Variants in MSI2 observed in about 807,000 individuals in gnomAD.
MSI2 encodes RNA-binding protein Musashi homolog 2.
In MSI2, 17 loss-of-function variants were observed where a neutral mutation model predicts 45.6. The observed-to-expected ratio is 0.37, with a 90% confidence interval of 0.26 to 0.56. The LOEUF (loss-of-function observed/expected upper bound fraction) is 0.56. MSI2 is among the 20% of genes least tolerant of loss of function. The pLI is 0.77. For synonymous variants in MSI2, 156 were observed against 158.2 expected (o/e 0.99, Z 0.11); for missense variants, 293 against 444.2 (o/e 0.66, Z 3.06).
chr17:57,257,220 C>G lies in MSI2; in HGVS notation c.103+82C>G, dbSNP rs1266965869. The G allele has an allele frequency of 7.5e-5, 28 of 372,924 alleles. 1 individual carries two copies. The highest frequency in any genetic ancestry group is 7.4e-4 in the Admixed American group (10 of 13,490). The allele number at this position is 372,924 out of a possible 1,614,324, so 23.1% of individuals were successfully genotyped here. A position where few individuals can be genotyped will look rare whatever the true frequency, so the allele number is the denominator to read the frequency against. ...CTTTGTTATCCCGGTGTAGGAGCCC[C>G]CCCCCCCCCGCCATTGGCTCCCCAC... On this transcript the variant is annotated intron_variant, in intron 2 of 13. Coordinates refer to ENST00000284073, the MANE Select transcript of MSI2 (RefSeq NM_138962.4).
At chr17:57,497,285 C>T (rs1008944097) in intron 6 of MSI2, among the ~76,000 whole-genome samples, 1 of 152,102 alleles carries the variant, frequency 6.6e-6, no homozygotes, top group African/African-American at 2.4e-5. Context: ...CCTATTGGAC[C>T]CCTTTAAATG....
chr17:57,547,975 T>A (rs746950426), intron 7 of MSI2, among the ~76,000 whole-genome samples: 3 of 152,142 alleles, frequency 2.0e-5, no homozygotes, highest in Non-Finnish European at 4.4e-5. Flanking sequence ...CCCCTGTGCT[T>A]TTCTGTTGCA....
intron 5 of MSI2, among the ~76,000 whole-genome samples, chr17:57,393,022 C>T (rs755926093): frequency 1.2e-4 from 18 of 152,078 alleles, no homozygotes; most frequent in Non-Finnish European, 2.5e-4. Flanking sequence ...AAAAAGAAAC[C>T]GCATACCCTT....
chr17:57,623,446 C>T (rs1181705246), intron 9 of MSI2, among the ~76,000 whole-genome samples: 1 of 152,156 alleles, frequency 6.6e-6, no homozygotes, highest in African/African-American at 2.4e-5. Context: ...ACAGTTTTGA[C>T]AACTTTGTCA....
intron 7 of MSI2, among the ~76,000 whole-genome samples, chr17:57,537,232 C>T (rs986664549): frequency 2.0e-5 from 3 of 152,152 alleles, no homozygotes; most frequent in Admixed American, 6.5e-5. Flanking sequence ...CCAGTGGGCT[C>T]ATTCTAAAGC....
At chr17:57,295,404 G>A (rs565033676) in intron 5 of MSI2, among the ~76,000 whole-genome samples, 9 of 152,202 alleles carry the variant, frequency 5.9e-5, no homozygotes, top group African/African-American at 1.7e-4. Flanking sequence ...GATGGGTTGT[G>A]TCACACCCAC....
intron 10 of MSI2, among the ~76,000 whole-genome samples, chr17:57,643,444 C>T (rs545922682): frequency 2.8e-4 from 43 of 152,366 alleles, no homozygotes; most frequent in Middle Eastern, 3.4e-3. Context: ...TCTCTCCCTA[C>T]TCCTGGTCCT....
chr17:57,365,658 C>A (rs1378325712), intron 5 of MSI2, among the ~76,000 whole-genome samples: 1 of 152,032 alleles, frequency 6.6e-6, no homozygotes, highest in Admixed American at 6.6e-5. Flanking sequence ...GCTCACGGCT[C>A]AGTGTACCAG....
At chr17:57,605,322 C>T (rs1428123843) in intron 8 of MSI2, among the ~76,000 whole-genome samples, 1 of 152,186 alleles carries the variant, frequency 6.6e-6, no homozygotes, top group Non-Finnish European at 1.5e-5. Flanking sequence ...ATGTTTGTTG[C>T]TCTTTAGGCA....
chr17:57,665,791 G>A (rs575085651), intron 11 of MSI2, among the ~76,000 whole-genome samples: 4 of 152,178 alleles, frequency 2.6e-5, no homozygotes, highest in African/African-American at 7.2e-5. Flanking sequence ...TTCCTGGGGT[G>A]GGGGAGGGGA....
intron 6 of MSI2, among the ~76,000 whole-genome samples, chr17:57,468,477 C>T (rs902217619): frequency 3.4e-5 from 5 of 146,958 alleles, no homozygotes; most frequent in African/African-American, 7.6e-5. Flanking sequence ...GCCAAGATTG[C>T]GCCACTGCAC....
At chr17:57,268,127 A>T (rs1907988143) in intron 5 of MSI2, 2 of 152,244 alleles carry the variant, frequency 1.3e-5, no homozygotes, top group Non-Finnish European at 2.9e-5. Flanking sequence ...CTTGTGGAGC[A>T]CATACATCTG....
intron 10 of MSI2, chr17:57,631,856 G>T (rs771538118): frequency 6.2e-7 from 1 of 1,611,738 alleles, no homozygotes; most frequent in Non-Finnish European, 8.5e-7. Flanking sequence ...ATAGCAAAGT[G>T]GGGGTTGCTA....
intron 11 of MSI2, among the ~76,000 whole-genome samples, chr17:57,666,374 AAACACCTACC>A (rs1912368133): frequency 6.6e-6 from 1 of 152,206 alleles, no homozygotes; most frequent in Admixed American, 6.5e-5. Flanking sequence ...AGATCGTGTG[AAACACCTACC>A]AACATGCCTG....
chr17:57,410,673 A>C (rs2084179715), intron 6 of MSI2, among the ~76,000 whole-genome samples: 1 of 140,460 alleles, frequency 7.1e-6, no homozygotes. Context: ...TAGAAGATGT[A>C]ATTTGTGAAA....
chr17:57,468,147 TC>T (rs2085363116), intron 6 of MSI2, among the ~76,000 whole-genome samples: 1 of 151,694 alleles, frequency 6.6e-6, no homozygotes, highest in Admixed American at 6.6e-5. Context: ...GAGCCTTAGT[TC>T]CCGCATCTGT....
intron 6 of MSI2, among the ~76,000 whole-genome samples, chr17:57,501,023 T>C (rs1367268391): frequency 6.6e-6 from 1 of 152,128 alleles, no homozygotes; most frequent in Non-Finnish European, 1.5e-5. Flanking sequence ...AGCCTGTACT[T>C]CCTATGTGTT....
intron 6 of MSI2, among the ~76,000 whole-genome samples, chr17:57,411,671 C>A (rs1197746650): frequency 6.6e-6 from 1 of 152,040 alleles, no homozygotes; most frequent in Non-Finnish European, 1.5e-5. Context: ...CTGAGGTGAT[C>A]TTCTTTGGGG....
chr17:57,468,079 AT>A (rs1232152784), intron 6 of MSI2, among the ~76,000 whole-genome samples: 1 of 151,820 alleles, frequency 6.6e-6, no homozygotes, highest in African/African-American at 2.4e-5. Flanking sequence ...CTAGAGGCAG[AT>A]GGGGCTGCGT....
Sources: gnomAD v4.1 joint callset for allele counts (sites outside exome capture counted in the v4.1 genomes callset) on GRCh38, gnomAD v4.1.1 for gene constraint, MANE v1.5 for transcripts, NCBI Gene and HGNC (gene_info 2026-07-23, HGNC 2026-07-21) for gene names.